USP37: variants seen among roughly 807,000 people sequenced by gnomAD.
The protein encoded by USP37 is ubiquitin carboxyl-terminal hydrolase 37.
In USP37, 27 loss-of-function variants were observed where a neutral mutation model predicts 124.0. The ratio of observed to expected loss-of-function variants is 0.22; its 90% confidence interval spans 0.16 to 0.30. The LOEUF is 0.30. Among genes scored for constraint, USP37 ranks in the 10% least tolerant of loss-of-function variants. The pLI is 1.00. For missense variants in USP37, 889 were observed against 1,140.4 expected (o/e 0.78, Z 3.17); for synonymous variants, 365 against 388.0 (o/e 0.94, Z 0.70).
At chr2:218,558,162 C>T (rs758403287) in intron 4 of USP37, among the ~76,000 whole-genome samples, 1 of 151,784 alleles carries the variant, frequency 6.6e-6, no homozygotes, top group Non-Finnish European at 1.5e-5. Context: ...ATGAATCCAT[C>T]GTCATGTATG....
intron 10 of USP37, among the ~76,000 whole-genome samples, chr2:218,519,134 A>G (rs1690453723): frequency 6.6e-6 from 1 of 152,228 alleles, no homozygotes; most frequent in Non-Finnish European, 1.5e-5. Flanking sequence ...TCCTGGCAGC[A>G]ATTTAAGATG....
intron 11 of USP37, among the ~76,000 whole-genome samples, chr2:218,505,475 G>A (rs1022003182): frequency 1.3e-5 from 2 of 152,158 alleles, no homozygotes; most frequent in Non-Finnish European, 2.9e-5. Flanking sequence ...AGAGTCCTCA[G>A]GAAGAGCAAA....
intron 24 of USP37, among the ~76,000 whole-genome samples, chr2:218,456,401 A>G (rs578045568): frequency 6.6e-6 from 1 of 151,780 alleles, no homozygotes; most frequent in African/African-American, 2.4e-5. Flanking sequence ...CAGTGCTGCA[A>G]TGAGCTAATG....
intron 5 of USP37, among the ~76,000 whole-genome samples, chr2:218,553,059 T>A (rs969241904): frequency 3.9e-5 from 6 of 152,246 alleles, no homozygotes. Flanking sequence ...CCTATCCAAT[T>A]TGGATGCCTG....
At chr2:218,502,328 T>C (rs540518955) in intron 11 of USP37, among the ~76,000 whole-genome samples, 2 of 152,218 alleles carry the variant, frequency 1.3e-5, no homozygotes, top group Non-Finnish European at 2.9e-5. Flanking sequence ...ATATTTAAAA[T>C]GAAAATTTCA....
At chr2:218,533,623 ATAT>A (rs1295980781) in intron 9 of USP37, among the ~76,000 whole-genome samples, 7 of 152,184 alleles carry the variant, frequency 4.6e-5, no homozygotes, top group African/African-American at 9.7e-5. Context: ...TATCTTCTAA[ATAT>A]TATTATTTCA....
chr2:218,488,728 C>T (rs1410967783), intron 14 of USP37, among the ~76,000 whole-genome samples: 3 of 152,088 alleles, frequency 2.0e-5, no homozygotes, highest in Non-Finnish European at 1.5e-5. Context: ...CTCCGCCTCC[C>T]GGGTTCAAGC....
intron 21 of USP37, among the ~76,000 whole-genome samples, chr2:218,464,836 A>G (rs1336422235): frequency 6.6e-6 from 1 of 152,222 alleles, no homozygotes. Flanking sequence ...TAATCCCAGC[A>G]CTTTGGGAGG....
At chr2:218,486,927 C>T (rs1420790506) in intron 15 of USP37, among the ~76,000 whole-genome samples, 6 of 152,036 alleles carry the variant, frequency 3.9e-5, no homozygotes, top group Admixed American at 2.6e-4. Flanking sequence ...AGGGTTTCAC[C>T]GTGTTAGCCA....
At chr2:218,517,432 C>CT (rs1015406215) in intron 10 of USP37, among the ~76,000 whole-genome samples, 51 of 81,878 alleles carry the variant, frequency 6.2e-4, no homozygotes, top group African/African-American at 1.3e-3. Context: ...TGGGTAAACT[C>CT]TGTTATTATT....
intron 8 of USP37, among the ~76,000 whole-genome samples, chr2:218,543,519 A>C (rs1474953849): frequency 6.7e-6 from 1 of 150,340 alleles, no homozygotes; most frequent in Non-Finnish European, 1.5e-5. Context: ...AAAAAAAAAA[A>C]AAAAAAAAAC....
chr2:218,520,221 C>T (rs919272811), intron 10 of USP37, among the ~76,000 whole-genome samples: 2 of 151,846 alleles, frequency 1.3e-5, no homozygotes, highest in Non-Finnish European at 2.9e-5. Context: ...GGATTATAGA[C>T]ATGAGCCACT....
At chr2:218,560,215 T>C (rs562169735) in intron 3 of USP37, among the ~76,000 whole-genome samples, 2 of 152,228 alleles carry the variant, frequency 1.3e-5, no homozygotes, top group Non-Finnish European at 2.9e-5. Flanking sequence ...CTAAAGTGGA[T>C]TCTTGCTTAT....
intron 8 of USP37, among the ~76,000 whole-genome samples, chr2:218,544,357 C>T (rs1357303403): frequency 1.5e-5 from 2 of 131,066 alleles, no homozygotes; most frequent in African/African-American, 6.1e-5. Context: ...TGCACTCCAG[C>T]CTGGGTGACA....
chr2:218,512,059 G>A (rs1005508709), intron 10 of USP37, among the ~76,000 whole-genome samples: 1 of 152,114 alleles, frequency 6.6e-6, no homozygotes, highest in Non-Finnish European at 1.5e-5. Flanking sequence ...TCTAAGCCAT[G>A]TGTTAGTGGC....
intron 11 of USP37, among the ~76,000 whole-genome samples, chr2:218,505,766 T>A (rs1689646504): frequency 6.6e-6 from 1 of 152,220 alleles, no homozygotes; most frequent in Non-Finnish European, 1.5e-5. Context: ...GTCTTGATTA[T>A]TCTAGGTCAA....
intron 5 of USP37, among the ~76,000 whole-genome samples, chr2:218,552,899 T>TA (rs1388709859): frequency 1.3e-5 from 2 of 151,894 alleles, no homozygotes; most frequent in Admixed American, 1.3e-4. Context: ...GCCTAGGTGT[T>TA]AGAGCAAGAC....
intron 10 of USP37, among the ~76,000 whole-genome samples, chr2:218,525,458 T>G (rs1381012185): frequency 6.6e-6 from 1 of 152,214 alleles, no homozygotes; most frequent in Non-Finnish European, 1.5e-5. Flanking sequence ...CACTCCAGGC[T>G]GGGTGACAGA....
At chr2:218,564,065 C>T (rs974717674) in intron 1 of USP37, among the ~76,000 whole-genome samples, 1 of 151,942 alleles carries the variant, frequency 6.6e-6, no homozygotes. Context: ...AGCAAGACTC[C>T]GTCTCAAAAG....
Sources: gnomAD v4.1 joint callset for allele counts (sites outside exome capture counted in the v4.1 genomes callset) on GRCh38, gnomAD v4.1.1 for gene constraint, MANE v1.5 for transcripts, NCBI Gene and HGNC (gene_info 2026-07-23, HGNC 2026-07-21) for gene names.